Variants in CELF2 observed in about 807,000 individuals in gnomAD.
CELF2 encodes the protein CUGBP Elav-like family member 2, also known as CUG triplet repeat RNA-binding protein 2.
Under a neutral mutation model 62.6 loss-of-function variants are expected in CELF2, and 8 were observed. That is an observed-to-expected ratio of 0.13 (90% CI 0.07 to 0.23). The LOEUF is 0.23. Ranked by LOEUF, CELF2 falls within the 10% of genes least tolerant of loss-of-function variation. The probability of loss-of-function intolerance (pLI) is 1.00; values close to 1 mark genes in which losing one functional copy is unlikely to be tolerated. For synonymous variants in CELF2, 258 were observed against 250.0 expected, an observed-to-expected ratio of 1.03 and a Z score of -0.30; for missense variants, 333 against 671.0, an observed-to-expected ratio of 0.50 and a Z score of 5.56.
intron 2 of CELF2, among the ~76,000 whole-genome samples, chr10:10,979,475 A>G (rs1388204491): frequency 6.6e-6 from 1 of 152,182 alleles, no homozygotes; most frequent in Non-Finnish European, 1.5e-5. Context: ...GTTCAAGACC[A>G]GCCTGGGCAA....
chr10:10,616,570 C>T, the CELF2 span, among the ~76,000 whole-genome samples: 3 of 151,602 alleles, frequency 2.0e-5, no homozygotes, highest in African/African-American at 7.3e-5. Flanking sequence ...TGGGTCTTGG[C>T]ATTATGCACT....
intron 2 of CELF2, among the ~76,000 whole-genome samples, chr10:10,960,656 A>G (rs1054513855): frequency 1.3e-5 from 2 of 152,160 alleles, no homozygotes; most frequent in African/African-American, 2.4e-5. Flanking sequence ...TTTTAATAAC[A>G]CTCTATTAAA....
At chr10:10,868,568 G>T (rs2133312175) in intron 1 of CELF2, among the ~76,000 whole-genome samples, 1 of 152,328 alleles carries the variant, frequency 6.6e-6, no homozygotes, top group Non-Finnish European at 1.5e-5. Flanking sequence ...CCCTGGATGG[G>T]GGAGCAGAAA....
chr10:10,875,496 C>T (rs889629690), intron 1 of CELF2, among the ~76,000 whole-genome samples: 1 of 152,182 alleles, frequency 6.6e-6, no homozygotes, highest in Non-Finnish European at 1.5e-5. Flanking sequence ...TTTGGTTTCT[C>T]TCTCCCTAGG....
the CELF2 span, among the ~76,000 whole-genome samples, chr10:10,785,803 A>G: frequency 6.6e-6 from 1 of 152,214 alleles, no homozygotes; most frequent in Non-Finnish European, 1.5e-5. Flanking sequence ...CAAGAGGTCC[A>G]TTGCACAACA....
the CELF2 span, among the ~76,000 whole-genome samples, chr10:10,537,183 T>C: frequency 1.3e-5 from 2 of 152,134 alleles, no homozygotes; most frequent in Admixed American, 1.3e-4. Context: ...ACTTAGCTCT[T>C]AAGAGACTTG....
At chr10:11,053,082 AAGT>A (rs1175880586) in intron 1 of CELF2, among the ~76,000 whole-genome samples, 1 of 152,202 alleles carries the variant, frequency 6.6e-6, no homozygotes, top group Non-Finnish European at 1.5e-5. Flanking sequence ...GGTTATAGCA[AAGT>A]AAGTTGTACT....
the CELF2 span, among the ~76,000 whole-genome samples, chr10:10,514,576 A>T: frequency 2.0e-5 from 3 of 152,236 alleles, no homozygotes; most frequent in Non-Finnish European, 4.4e-5. Flanking sequence ...GCCCTGGCCG[A>T]GAGCAGGAGC....
chr10:10,895,454 A>C (rs1483042133), intron 1 of CELF2, among the ~76,000 whole-genome samples: 2 of 152,176 alleles, frequency 1.3e-5, no homozygotes, highest in African/African-American at 4.8e-5. Context: ...CTCATAGCAA[A>C]ATGAAAGCAG....
chr10:11,109,283 T>C (rs2054486373), intron 1 of CELF2, among the ~76,000 whole-genome samples: 1 of 152,202 alleles, frequency 6.6e-6, no homozygotes, highest in Non-Finnish European at 1.5e-5. Flanking sequence ...GCTACCTTTA[T>C]ATGTAACAAG....
At chr10:11,123,767 T>C (rs1346188062) in intron 1 of CELF2, among the ~76,000 whole-genome samples, 1 of 151,848 alleles carries the variant, frequency 6.6e-6, no homozygotes, top group Non-Finnish European at 1.5e-5. Context: ...GTAAAGTCCT[T>C]CTAAGATGAA....
intron 1 of CELF2, among the ~76,000 whole-genome samples, chr10:11,035,498 A>G (rs1224560970): frequency 6.6e-6 from 1 of 152,220 alleles, no homozygotes; most frequent in East Asian, 1.9e-4. Context: ...GACCACAGCC[A>G]GGAAATGATC....
At chr10:11,320,884 CA>C in intron 10 of CELF2, 1 of 1,545,736 alleles carries the variant, frequency 6.5e-7, no homozygotes, top group Non-Finnish European at 8.7e-7. Flanking sequence ...CTTTTACTTC[CA>C]AAAGATAACA....
chr10:10,864,433 C>T (rs910941102), intron 1 of CELF2, among the ~76,000 whole-genome samples: 11 of 152,236 alleles, frequency 7.2e-5, no homozygotes, highest in African/African-American at 1.4e-4. Flanking sequence ...CTCAGGCTGC[C>T]GTAACAAAAT....
chr10:11,227,009 G>A lies in CELF2; in HGVS notation c.354+9502G>A, dbSNP rs1161590627. ...TGCCCAGCTCCGTCCAACTGTCCTCGCCATTGCTCTGCTTCCGTGTTCCAC... is the reference window on the plus strand; with the variant it reads ...TGCCCAGCTCCGTCCAACTGTCCTCACCATTGCTCTGCTTCCGTGTTCCAC... On this transcript the variant is annotated intron_variant, in intron 3 of 12. Coordinates refer to ENST00000633077, the MANE Select transcript of CELF2 (RefSeq NM_001326342.2). The surrounding 1 kb of genome is among the most constrained non-coding windows in gnomAD (Gnocchi z 4.8). 2.0e-5 allele frequency among the ~76,000 whole-genome samples: 3 copies of A among 152,104 alleles called. No homozygotes were observed. Among genetic ancestry groups the A allele is most frequent in the Admixed American group, 6.5e-5 (1 of 15,272 alleles).
chr10:11,154,555 G>T (rs568191076), intron 1 of CELF2, among the ~76,000 whole-genome samples: 1 of 152,210 alleles, frequency 6.6e-6, no homozygotes, highest in East Asian at 1.9e-4. Flanking sequence ...TGTCAGAGAG[G>T]CGCACGTTTG....
chr10:10,578,852 C>T, the CELF2 span, among the ~76,000 whole-genome samples: 2 of 152,270 alleles, frequency 1.3e-5, no homozygotes, highest in Non-Finnish European at 1.5e-5. Context: ...TTTCCTTTTG[C>T]ACCAATCATC....
At chr10:10,697,841 C>T in the CELF2 span, among the ~76,000 whole-genome samples, 1 of 152,078 alleles carries the variant, frequency 6.6e-6, no homozygotes, top group Non-Finnish European at 1.5e-5. Flanking sequence ...AGGCTGGAGT[C>T]CAGTGGCACA....
At chr10:11,034,386 T>C (rs973107237) in intron 1 of CELF2, among the ~76,000 whole-genome samples, 1 of 152,134 alleles carries the variant, frequency 6.6e-6, no homozygotes, top group Non-Finnish European at 1.5e-5. Context: ...TCTAGATCCC[T>C]CCTAGATGTG....
Sources: gnomAD v4.1 joint callset for allele counts (sites outside exome capture counted in the v4.1 genomes callset) on GRCh38, gnomAD v4.1.1 for gene constraint, Gnocchi (gnomAD v3.1) non-coding constraint, MANE v1.5 for transcripts, NCBI Gene and HGNC (gene_info 2026-07-23, HGNC 2026-07-21) for gene names.